TUBA3C: variants seen among roughly 807,000 people sequenced by gnomAD.
TUBA3C encodes the protein tubulin alpha-3C chain.
Under a neutral mutation model 33.4 loss-of-function variants are expected in TUBA3C, and 23 were observed. The observed-to-expected ratio is 0.69, with a 90% CI of 0.50 to 0.98. The LOEUF (loss-of-function observed/expected upper bound fraction) is 0.98, where lower values mean the gene tolerates loss of function less well. Among genes scored for constraint, TUBA3C ranks in the 50% least tolerant of loss-of-function variants. TUBA3C has a pLI of 0.00. For missense variants in TUBA3C, 402 were observed against 616.0 expected, an observed-to-expected ratio of 0.65 and a Z score of 3.68; for synonymous variants, 269 against 250.4, an observed-to-expected ratio of 1.07 and a Z score of -0.70.
chr13:19,178,378 T>G lies in TUBA3C; in HGVS notation c.243A>C (p.Gly81=). 1.2e-6 allele frequency: 2 copies of G among 1,614,026 alleles called. No homozygotes were observed. Among genetic ancestry groups the G allele is most frequent in the Non-Finnish European group, 1.7e-6 (2 of 1,179,954 alleles). The part of the protein sequence containing the change: ...EPTVVDEVRT[G]TYRQLFHPEQ... ...CTGGGTGGAAGAGCTGCCTATAGGT[T>G]CCTGTGCGCACTTCATCTACAAAAG... is the stretch of plus-strand genomic sequence containing the variant. The change falls in exon 3 of 5, where the codon GGA becomes GGC. Residue 81 remains glycine (G), a synonymous_variant. Transcript: ENST00000400113.
At chr13:19,181,710 T>G (rs1224563296) in intron 1 of TUBA3C, 35 bp downstream of exon 1, 5 of 1,601,434 alleles carry the variant, frequency 3.1e-6, no homozygotes, top group Middle Eastern at 1.6e-4. Flanking sequence ...CCCTCCAGCC[T>G]GGGCGTCTGC....
chr13:19,178,220 G>A (rs1869269806), intron 3 of TUBA3C, 26 bp downstream of exon 3: 1 of 1,613,340 alleles, frequency 6.2e-7, no homozygotes, highest in African/African-American at 1.3e-5. Flanking sequence ...GCAGGACAAT[G>A]GTCACATGAA....
chr13:19,176,364 C>T (rs9511914), intron 4 of TUBA3C, among the ~76,000 whole-genome samples: 15,296 of 146,660 alleles, frequency 0.1, 878 homozygotes, highest in African/African-American at 0.16. Context: ...TGCAGTGAAC[C>T]GAGATCACAC....
intron 2 of TUBA3C, among the ~76,000 whole-genome samples, chr13:19,178,916 C>A (rs1022093589): frequency 9.2e-5 from 14 of 152,074 alleles, no homozygotes; most frequent in African/African-American, 3.4e-4. Flanking sequence ...TGGAAACTAT[C>A]CTGGGCTTCT....
rs36216907 is a variant in TUBA3C at position 19,174,165 on chromosome 13, G to A, written c.1057-6C>T. 2.1e-3 allele frequency: 3,451 copies of A among 1,607,944 alleles called. 24 individuals are homozygous for A. The African/African-American group carries it at 0.022, about 10-fold the overall frequency. On this transcript the variant is annotated splice_region_variant and splice_polypyrimidine_tract_variant and intron_variant, in intron 4 of 4. Coordinates refer to ENST00000400113, the MANE Select transcript of TUBA3C (RefSeq NM_006001.3). ...GGCTGGTAGTTAATGCCCACCTGCC[G>A]GAGAAGAGGAAGAAACAGTCCATGA...
intron 2 of TUBA3C, 44 bp from the exon 3 acceptor site, chr13:19,178,438 C>T (rs1869281861): frequency 6.2e-7 from 1 of 1,607,520 alleles, no homozygotes; most frequent in African/African-American, 1.3e-5. Context: ...AAGGCCTATA[C>T]TCACCAAGAT....
chr13:19,175,183 C>T (rs534341627), intron 4 of TUBA3C, among the ~76,000 whole-genome samples: 5 of 152,212 alleles, frequency 3.3e-5, no homozygotes, highest in East Asian at 3.9e-4. Flanking sequence ...ACCCAGGAGG[C>T]GGAGCTTGCA....
At chr13:19,175,125 G>A (rs1035478046) in intron 4 of TUBA3C, among the ~76,000 whole-genome samples, 4 of 151,660 alleles carry the variant, frequency 2.6e-5, no homozygotes, top group Admixed American at 6.6e-5. Flanking sequence ...GGTGGCGGGC[G>A]CCTGTAGTCC....
chr13:19,177,137 G>A lies in TUBA3C; in HGVS notation c.846C>T (p.Tyr282=), dbSNP rs768679509. ...TCTCAGCCACGGACAGCTGCTCGTGGTAGGCCTTCTCGGCTGAGATGACCG... is the reference window on the plus strand; with the variant it reads ...TCTCAGCCACGGACAGCTGCTCGTGATAGGCCTTCTCGGCTGAGATGACCG... ...YAPVISAEKA[Y]HEQLSVAEIT... Residue 282 remains tyrosine, a synonymous_variant, in exon 4 of 5, where the codon TAC becomes TAT. Coordinates refer to ENST00000400113, the MANE Select transcript of TUBA3C (RefSeq NM_006001.3). The surrounding 1 kb of genome is among the most constrained non-coding windows in gnomAD (Gnocchi z 5.0). The A allele has an allele frequency of 6.2e-7, 1 of 1,614,152 alleles. No homozygotes were observed. The highest frequency in any genetic ancestry group is 1.1e-5 in the South Asian group (1 of 91,072).
chr13:19,179,159 T>A (rs1009627838), intron 2 of TUBA3C, among the ~76,000 whole-genome samples, 182 bp downstream of exon 2: 7 of 152,218 alleles, frequency 4.6e-5, no homozygotes, highest in Admixed American at 4.6e-4. Flanking sequence ...TTTTCCTAAC[T>A]TAGGAGCCGA....
In TUBA3C at chr13:19,173,819, C is replaced by T. The variant is rs374101526; in HGVS notation, c.*44G>A. ...ATTGCAAAGAACTTGAAAGCAGCCACGCTGGGGGTGGCAGTGGAGTGGAGA... is the reference window on the plus strand; with the variant it reads ...ATTGCAAAGAACTTGAAAGCAGCCATGCTGGGGGTGGCAGTGGAGTGGAGA... On this transcript the variant is annotated 3_prime_UTR_variant, in exon 5 of 5. Transcript: ENST00000400113. 39 of 1,581,212 alleles carry T rather than the reference C, an allele frequency of 2.5e-5. No individual in the cohort carries two copies. The highest frequency in any genetic ancestry group is 8.1e-5 in the African/African-American group (6 of 74,194).
At chr13:19,179,016 C>T (rs2138957743) in intron 2 of TUBA3C, among the ~76,000 whole-genome samples, 1 of 152,290 alleles carries the variant, frequency 6.6e-6, no homozygotes, top group Admixed American at 6.5e-5. Context: ...TAAGAGTACA[C>T]AGCATTCAGG....
intron 1 of TUBA3C, 142 bp downstream of exon 1, chr13:19,181,603 C>A: frequency 1.6e-6 from 2 of 1,224,712 alleles, no homozygotes; most frequent in Non-Finnish European, 1.2e-6. Flanking sequence ...CCTCGTGTCC[C>A]GCCCTGGGCC....
intron 2 of TUBA3C, among the ~76,000 whole-genome samples, chr13:19,178,696 T>A (rs568775301): frequency 6.6e-6 from 1 of 152,292 alleles, no homozygotes; most frequent in African/African-American, 2.4e-5. Context: ...CACAGGTAAT[T>A]CTACAGGTAC....
intron 4 of TUBA3C, among the ~76,000 whole-genome samples, chr13:19,174,952 T>G (rs563959333): frequency 6.6e-6 from 1 of 151,730 alleles, no homozygotes; most frequent in African/African-American, 2.4e-5. Flanking sequence ...AGACCCTGTC[T>G]CAAAAAAATT....
intron 1 of TUBA3C, among the ~76,000 whole-genome samples, chr13:19,180,662 A>AT (rs1157509696): frequency 2.0e-5 from 3 of 151,684 alleles, no homozygotes; most frequent in Admixed American, 6.6e-5. Flanking sequence ...TGCCCAACTA[A>AT]TTTTTTGTAT....
At chr13:19,174,601 A>G (rs1266407654) in intron 4 of TUBA3C, among the ~76,000 whole-genome samples, 2 of 152,068 alleles carry the variant, frequency 1.3e-5, no homozygotes, top group Non-Finnish European at 2.9e-5. Context: ...GCATTACTAT[A>G]AACTGCTTCA....
intron 1 of TUBA3C, among the ~76,000 whole-genome samples, chr13:19,179,968 C>G (rs1347376640): frequency 6.6e-6 from 1 of 152,126 alleles, no homozygotes; most frequent in South Asian, 2.1e-4. Context: ...GAGTAGGTCC[C>G]AGGTCACTGT....
At chr13:19,180,848 C>T (rs1162862412) in intron 1 of TUBA3C, among the ~76,000 whole-genome samples, 3 of 151,264 alleles carry the variant, frequency 2.0e-5, no homozygotes, top group African/African-American at 7.3e-5. Context: ...GTCCCAGCTA[C>T]TCAGGAGGCT....
Sources: gnomAD v4.1 joint callset for allele counts (sites outside exome capture counted in the v4.1 genomes callset) on GRCh38, gnomAD v4.1.1 for gene constraint, Gnocchi (gnomAD v3.1) non-coding constraint, MANE v1.5 for transcripts, NCBI Gene and HGNC (gene_info 2026-07-23, HGNC 2026-07-21) for gene names.